Variants in DSCAM observed in about 807,000 individuals in gnomAD.
DSCAM encodes the protein cell adhesion molecule DSCAM.
In DSCAM, 47 loss-of-function variants were observed where a neutral mutation model predicts 217.7. The observed-to-expected ratio is 0.22, with a 90% CI of 0.17 to 0.28. The LOEUF is 0.28. Ranked by LOEUF, DSCAM falls within the 10% of genes least tolerant of loss-of-function variation. The pLI is 1.00. For synonymous variants in DSCAM, 1,056 were observed against 1,015.3 expected, an observed-to-expected ratio of 1.04 and a Z score of -0.76; for missense variants, 2,080 against 2,618.3, an observed-to-expected ratio of 0.79 and a Z score of 4.49.
chr21:40,157,315 T>G (rs1167519118), intron 16 of DSCAM, among the ~76,000 whole-genome samples: 1 of 152,172 alleles, frequency 6.6e-6, no homozygotes, highest in Non-Finnish European at 1.5e-5. Flanking sequence ...AGAAACAGTT[T>G]GCAGACTCGT....
intron 8 of DSCAM, among the ~76,000 whole-genome samples, chr21:40,329,684 C>T (rs766825746): frequency 9.9e-5 from 15 of 151,210 alleles, no homozygotes; most frequent in Non-Finnish European, 1.9e-4. Context: ...AAAATAAGGA[C>T]CTTCAGCCTT....
chr21:40,233,702 C>T (rs774662510), intron 11 of DSCAM, among the ~76,000 whole-genome samples: 4 of 152,164 alleles, frequency 2.6e-5, no homozygotes, highest in Admixed American at 1.3e-4. Context: ...ATCATACACA[C>T]GCATGTACAC....
chr21:40,799,939 A>G (rs752515793), intron 1 of DSCAM, among the ~76,000 whole-genome samples: 4 of 152,226 alleles, frequency 2.6e-5, no homozygotes, highest in African/African-American at 7.2e-5. Context: ...ACTCATGTTG[A>G]AACTTAATCC....
At chr21:40,836,614 A>G (rs2092058757) in intron 1 of DSCAM, among the ~76,000 whole-genome samples, 1 of 152,230 alleles carries the variant, frequency 6.6e-6, no homozygotes, top group Non-Finnish European at 1.5e-5. Context: ...TGTACTTGGA[A>G]CTTTACTGGA....
chr21:40,181,897 G>A (rs1239733736), intron 14 of DSCAM, among the ~76,000 whole-genome samples: 2 of 151,930 alleles, frequency 1.3e-5, no homozygotes, highest in Non-Finnish European at 2.9e-5. Context: ...GAGTGGGCGG[G>A]ATGCCATGGC....
chr21:40,511,763 G>A (rs1256515392), intron 3 of DSCAM, among the ~76,000 whole-genome samples: 3 of 151,690 alleles, frequency 2.0e-5, no homozygotes, highest in Middle Eastern at 3.2e-3. Context: ...AGGCCGAGGC[G>A]GGTGGATCAT....
chr21:40,630,145 T>C (rs2089668796), intron 3 of DSCAM, among the ~76,000 whole-genome samples: 1 of 152,080 alleles, frequency 6.6e-6, no homozygotes, highest in South Asian at 2.1e-4. Flanking sequence ...AACAATTAAT[T>C]AAGCAGGAAA....
At chr21:40,402,219 A>T (rs1474062863) in intron 3 of DSCAM, among the ~76,000 whole-genome samples, 10 of 151,120 alleles carry the variant, frequency 6.6e-5, no homozygotes, top group Admixed American at 6.6e-4. Flanking sequence ...GGCGCCCGCC[A>T]CCACGCCCGG....
At chr21:40,357,337 G>C (rs984500935) in intron 4 of DSCAM, among the ~76,000 whole-genome samples, 5 of 152,126 alleles carry the variant, frequency 3.3e-5, no homozygotes, top group African/African-American at 1.2e-4. Context: ...ATGTCTCACT[G>C]ATCTCTGGCA....
At chr21:40,762,719 T>C (rs1399187918) in intron 1 of DSCAM, among the ~76,000 whole-genome samples, 1 of 152,074 alleles carries the variant, frequency 6.6e-6, no homozygotes, top group Admixed American at 6.5e-5. Context: ...CTCAGTAAAA[T>C]ACTGGCAAAC....
intron 16 of DSCAM, among the ~76,000 whole-genome samples, chr21:40,151,538 T>C (rs550781587): frequency 6.6e-6 from 1 of 152,220 alleles, no homozygotes; most frequent in African/African-American, 2.4e-5. Flanking sequence ...TCAGAAGATA[T>C]TCTTGCAGAT....
intron 1 of DSCAM, among the ~76,000 whole-genome samples, chr21:40,810,320 C>G (rs1485421920): frequency 6.6e-6 from 1 of 152,128 alleles, no homozygotes; most frequent in African/African-American, 2.4e-5. Flanking sequence ...AGAAAATTAT[C>G]TTAGAAGAAT....
At chr21:40,620,394 A>AAAAG (rs2089493758) in intron 3 of DSCAM, among the ~76,000 whole-genome samples, 3 of 143,180 alleles carry the variant, frequency 2.1e-5, no homozygotes, top group Non-Finnish European at 4.7e-5. Context: ...AAGAGAAAGA[A>AAAAG]AGAAAGAAAG....
At chr21:40,302,602 T>C (rs926118896) in intron 9 of DSCAM, among the ~76,000 whole-genome samples, 2 of 152,196 alleles carry the variant, frequency 1.3e-5, no homozygotes, top group Admixed American at 6.6e-5. Flanking sequence ...ATCTCCAAGA[T>C]GCAATATGGC....
At chr21:40,485,403 C>T (rs1009736460) in intron 3 of DSCAM, among the ~76,000 whole-genome samples, 6 of 151,808 alleles carry the variant, frequency 4.0e-5, no homozygotes, top group Admixed American at 2.0e-4. Context: ...CCACCGCGCC[C>T]GGCTAATTTT....
rs1011465488 is a variant in DSCAM at position 40,296,184 on chromosome 21, G to C, written c.2063-10C>G. On this transcript the variant is annotated splice_polypyrimidine_tract_variant and intron_variant, in intron 9 of 32. Transcript: ENST00000400454. ...ACAAACTTGGGAGGAACTGAAAAGA[G>C]AGAAATGTCACCAGTAATTAAGACT... The C allele has an allele frequency of 7.4e-6, 12 of 1,613,480 alleles. No individual in the cohort carries two copies. Among genetic ancestry groups the C allele is most frequent in the Admixed American group, 3.3e-5 (2 of 59,920 alleles).
chr21:40,356,683 A>G (rs1400321525), intron 4 of DSCAM, among the ~76,000 whole-genome samples: 3 of 152,224 alleles, frequency 2.0e-5, no homozygotes, highest in African/African-American at 7.2e-5. Flanking sequence ...ATGGAACTGC[A>G]CGTGAGGATA....
intron 20 of DSCAM, among the ~76,000 whole-genome samples, chr21:40,120,792 A>G (rs1322096759): frequency 1.3e-5 from 2 of 152,238 alleles, no homozygotes; most frequent in Admixed American, 6.5e-5. Context: ...ATCTGGCCAC[A>G]TGCAAGTTTC....
intron 3 of DSCAM, among the ~76,000 whole-genome samples, chr21:40,487,136 G>A (rs1019172191): frequency 6.6e-6 from 1 of 152,064 alleles, no homozygotes; most frequent in African/African-American, 2.4e-5. Context: ...AACCTTTCAT[G>A]GGCCTTTTAT....
Sources: allele counts gnomAD v4.1 joint callset (sites outside exome capture counted in the v4.1 genomes callset), GRCh38; gene constraint gnomAD v4.1.1; transcripts MANE v1.5; gene names NCBI Gene and HGNC (gene_info 2026-07-23, HGNC 2026-07-21).